CCSER1: variants seen among roughly 807,000 people sequenced by gnomAD.
CCSER1 encodes the protein serine-rich coiled-coil domain-containing protein 1.
A neutral mutation model predicts 82.0 loss-of-function variants in CCSER1; 41 were observed. The observed-to-expected ratio is 0.50, with a 90% CI of 0.39 to 0.65. The LOEUF (loss-of-function observed/expected upper bound fraction) is 0.65, where lower values mean the gene tolerates loss of function less well. Among genes scored for constraint, CCSER1 ranks in the 30% least tolerant of loss-of-function variants. The pLI is 0.00. For missense variants in CCSER1, 1,119 were observed against 1,064.2 expected (o/e 1.05, Z -0.72); for synonymous variants, 414 against 383.9 (o/e 1.08, Z -0.92).
At chr4:91,586,587 T>C (rs1764005537) in intron 10 of CCSER1, among the ~76,000 whole-genome samples, 2 of 151,754 alleles carry the variant, frequency 1.3e-5, no homozygotes, top group African/African-American at 2.4e-5. Context: ...ATGTATAAAC[T>C]GACAAGTATC....
chr4:90,247,445 G>A (rs6828199), intron 1 of CCSER1, among the ~76,000 whole-genome samples: 6,813 of 151,662 alleles, frequency 0.045, 395 homozygotes, highest in African/African-American at 0.14. Context: ...AAGAAAACTT[G>A]TTGTGAGAAA....
chr4:91,084,487 G>A (rs1009101104), intron 9 of CCSER1, among the ~76,000 whole-genome samples: 1 of 151,886 alleles, frequency 6.6e-6, no homozygotes, highest in African/African-American at 2.4e-5. Flanking sequence ...AGAGAAGAAA[G>A]TGACAAACCA....
rs566602325 is a variant in CCSER1 at position 90,743,756 on chromosome 4, C to A, written c.2010+19765C>A. 7.2e-5 allele frequency among the ~76,000 whole-genome samples: 11 copies of A among 152,218 alleles called. 1 individual carries two copies. In the South Asian group the frequency reaches 2.1e-3, roughly 29 times the overall value. On this transcript the variant is annotated intron_variant, in intron 7 of 10. Coordinates refer to ENST00000509176, the MANE Select transcript of CCSER1 (RefSeq NM_001145065.2). ...TAAGTGTCTTTGCCAGAGACAGAAA[C>A]TTCAACAATAGAGCTAAGTGGAAAA...
chr4:91,088,620 A>T (rs1291360286), intron 10 of CCSER1, among the ~76,000 whole-genome samples: 1 of 152,200 alleles, frequency 6.6e-6, no homozygotes, highest in African/African-American at 2.4e-5. Context: ...CCCCATTTAT[A>T]TTGGTATTTT....
At chr4:90,936,541 G>T (rs1730956630) in intron 9 of CCSER1, among the ~76,000 whole-genome samples, 1 of 151,966 alleles carries the variant, frequency 6.6e-6, no homozygotes, top group African/African-American at 2.4e-5. Context: ...AGAAATGTTA[G>T]TATCATATAT....
At chr4:91,018,910 A>G (rs557734184) in intron 9 of CCSER1, among the ~76,000 whole-genome samples, 6 of 152,110 alleles carry the variant, frequency 3.9e-5, no homozygotes, top group African/African-American at 7.2e-5. Flanking sequence ...TACTTCCCCT[A>G]TGACTTTGCT....
At chr4:90,694,407 T>G (rs1736590570) in intron 6 of CCSER1, among the ~76,000 whole-genome samples, 2 of 151,936 alleles carry the variant, frequency 1.3e-5, no homozygotes, top group African/African-American at 4.8e-5. Context: ...AGAAGTCAAG[T>G]GGGTAGTTAC....
intron 8 of CCSER1, among the ~76,000 whole-genome samples, chr4:90,824,743 G>A (rs1760189136): frequency 1.3e-5 from 2 of 152,026 alleles, no homozygotes; most frequent in South Asian, 4.1e-4. Context: ...ACAGCTCCAT[G>A]GATGATTTAC....
At chr4:91,568,649 G>T (rs1394443062) in intron 10 of CCSER1, among the ~76,000 whole-genome samples, 1 of 151,936 alleles carries the variant, frequency 6.6e-6, no homozygotes, top group Non-Finnish European at 1.5e-5. Flanking sequence ...TTAATACTTG[G>T]GATTGCATTG....
intron 7 of CCSER1, among the ~76,000 whole-genome samples, chr4:90,792,628 A>G (rs1257613225): frequency 6.6e-6 from 1 of 152,232 alleles, no homozygotes; most frequent in Non-Finnish European, 1.5e-5. Flanking sequence ...ATGGACACTC[A>G]GACAGATAAA....
At chr4:91,445,551 A>T (rs920989696) in intron 10 of CCSER1, among the ~76,000 whole-genome samples, 1 of 152,120 alleles carries the variant, frequency 6.6e-6, no homozygotes, top group African/African-American at 2.4e-5. Flanking sequence ...TTTTATGAAA[A>T]TGTAGAGACC....
At chr4:91,024,178 C>G (rs1242076138) in intron 9 of CCSER1, among the ~76,000 whole-genome samples, 2 of 152,126 alleles carry the variant, frequency 1.3e-5, no homozygotes, top group African/African-American at 4.8e-5. Context: ...AAACCCCCCA[C>G]CTCTCAATAC....
chr4:90,376,208 G>A (rs540049589), intron 3 of CCSER1, among the ~76,000 whole-genome samples: 1 of 152,244 alleles, frequency 6.6e-6, no homozygotes, highest in South Asian at 2.1e-4. Context: ...GTTACTCAGG[G>A]GATCTTCTTG....
intron 6 of CCSER1, among the ~76,000 whole-genome samples, chr4:90,716,669 C>G (rs1194090536): frequency 6.6e-6 from 1 of 152,064 alleles, no homozygotes. Flanking sequence ...AGTACAGTAA[C>G]ATGCTGTACA....
chr4:90,568,964 C>T (rs1412179203), intron 5 of CCSER1, among the ~76,000 whole-genome samples: 2 of 151,914 alleles, frequency 1.3e-5, no homozygotes, highest in Non-Finnish European at 2.9e-5. Context: ...GACAGGATTT[C>T]ACCATGTTGG....
At chr4:90,534,933 A>G (rs1308396395) in intron 5 of CCSER1, among the ~76,000 whole-genome samples, 3 of 152,224 alleles carry the variant, frequency 2.0e-5, no homozygotes, top group Non-Finnish European at 2.9e-5. Flanking sequence ...CTTGAGACCT[A>G]GAAATGGAGA....
At chr4:90,863,331 ATAGAG>A (rs1426222099) in intron 8 of CCSER1, among the ~76,000 whole-genome samples, 5 of 151,980 alleles carry the variant, frequency 3.3e-5, no homozygotes, top group African/African-American at 1.2e-4. Flanking sequence ...CTTTTGAGAT[ATAGAG>A]TAGTGAGTTC....
At chr4:90,265,989 G>A (rs553388459) in intron 1 of CCSER1, among the ~76,000 whole-genome samples, 2 of 152,176 alleles carry the variant, frequency 1.3e-5, no homozygotes, top group African/African-American at 4.8e-5. Flanking sequence ...CAGATATTTT[G>A]CAGCAAGATG....
chr4:91,175,694 G>A (rs1733260219), intron 10 of CCSER1, among the ~76,000 whole-genome samples: 2 of 152,040 alleles, frequency 1.3e-5, no homozygotes, highest in Non-Finnish European at 2.9e-5. Flanking sequence ...TTGTAAATTT[G>A]CTTAAGTTCT....
Sources: allele counts gnomAD v4.1 joint callset (sites outside exome capture counted in the v4.1 genomes callset), GRCh38; gene constraint gnomAD v4.1.1; transcripts MANE v1.5; gene names NCBI Gene and HGNC (gene_info 2026-07-23, HGNC 2026-07-21).